The following OSBPL1A variants were observed in gnomAD, a reference collection of about 807,000 sequenced individuals.
OSBPL1A encodes the protein oxysterol binding protein like 1A.
A neutral mutation model predicts 137.1 loss-of-function variants in OSBPL1A; 80 were observed. The ratio of observed to expected loss-of-function variants is 0.58; its 90% CI spans 0.49 to 0.70. OSBPL1A has a LOEUF of 0.70. OSBPL1A is among the 30% of genes least tolerant of loss of function. The pLI, the probability that OSBPL1A is intolerant of heterozygous loss-of-function variation, is 0.00. For synonymous variants in OSBPL1A, 365 were observed against 389.7 expected (o/e 0.94, Z 0.75); for missense variants, 970 against 1,129.4 (o/e 0.86, Z 2.02).
At chr18:24,270,921 A>G (rs1056222970) in intron 15 of OSBPL1A, among the ~76,000 whole-genome samples, 1 of 152,180 alleles carries the variant, frequency 6.6e-6, no homozygotes, top group Non-Finnish European at 1.5e-5. Flanking sequence ...CTTCTCTGGC[A>G]TCTTCCTCTC....
chr18:24,214,907 C>T (rs905889451), intron 17 of OSBPL1A, among the ~76,000 whole-genome samples: 1 of 152,182 alleles, frequency 6.6e-6, no homozygotes, highest in African/African-American at 2.4e-5. Flanking sequence ...ACCACACCTA[C>T]TTTTTCAGAA....
In OSBPL1A at chr18:24,382,474, G is replaced by T. The variant is rs1599737060; in HGVS notation, c.-2-4939C>A. On this transcript the variant is annotated intron_variant, in intron 1 of 27. Coordinates refer to ENST00000319481, the MANE Select transcript of OSBPL1A (RefSeq NM_080597.4). ...AGCCTGTAGTCCCAGCCATTGGAGA[G>T]GCTGAGGTAGGAGGATCACTTAAGC... Among the ~76,000 whole-genome samples the T allele has an allele frequency of 4.6e-5, 7 of 151,792 alleles. No individual in the cohort carries two copies. In the South Asian group the frequency reaches 1.5e-3, roughly 32 times the overall value.
At chr18:24,351,926 A>G (rs192844711) in intron 4 of OSBPL1A, among the ~76,000 whole-genome samples, 1 of 152,358 alleles carries the variant, frequency 6.6e-6, no homozygotes, top group Non-Finnish European at 1.5e-5. Context: ...GCACAGTCAG[A>G]ATAACATAAA....
At chr18:24,345,642 T>C (rs964332247) in intron 4 of OSBPL1A, among the ~76,000 whole-genome samples, 2 of 152,062 alleles carry the variant, frequency 1.3e-5, no homozygotes, top group Non-Finnish European at 2.9e-5. Flanking sequence ...GCTGAGATTG[T>C]CCTGTTGCTC....
intron 18 of OSBPL1A, among the ~76,000 whole-genome samples, chr18:24,183,435 CT>C (rs35407694): frequency 1.6e-3 from 221 of 139,174 alleles, no homozygotes; most frequent in Non-Finnish European, 1.5e-3. Context: ...TTTTCTTTTT[CT>C]TTTTTTTTTT....
chr18:24,266,464 G>C (rs776783723), intron 15 of OSBPL1A, among the ~76,000 whole-genome samples: 7 of 151,960 alleles, frequency 4.6e-5, no homozygotes, highest in Non-Finnish European at 7.4e-5. Flanking sequence ...AAGGGAGAAA[G>C]AAAAAAGGTG....
At chr18:24,257,264 C>T (rs748272426) in intron 15 of OSBPL1A, among the ~76,000 whole-genome samples, 2 of 152,184 alleles carry the variant, frequency 1.3e-5, no homozygotes, top group Non-Finnish European at 2.9e-5. Context: ...CAGCATGGTA[C>T]TGGCATAAAA....
intron 21 of OSBPL1A, among the ~76,000 whole-genome samples, chr18:24,176,777 A>G (rs1228098274): frequency 3.9e-5 from 6 of 152,156 alleles, no homozygotes; most frequent in African/African-American, 7.2e-5. Flanking sequence ...CCTGGCTCTC[A>G]GGCCACACAG....
At chr18:24,240,328 T>C (rs1295461013) in intron 15 of OSBPL1A, among the ~76,000 whole-genome samples, 2 of 152,252 alleles carry the variant, frequency 1.3e-5, no homozygotes, top group African/African-American at 4.8e-5. Flanking sequence ...AAAGCCTGGT[T>C]TGATTTTTTT....
At chr18:24,374,273 A>G (rs1054143130) in intron 2 of OSBPL1A, among the ~76,000 whole-genome samples, 12 of 152,092 alleles carry the variant, frequency 7.9e-5, no homozygotes, top group African/African-American at 2.9e-4. Context: ...CAAAGATGCT[A>G]TTTCTTCCCC....
In OSBPL1A at chr18:24,171,606, C is replaced by G. The variant is rs996596159; in HGVS notation, c.2202-108G>C. Reference sequence around the variant, plus strand: ...AGCAGCTACTGTTTATGGATTTTCTCTGTGTGCCAGGCTCCATACTAAAGT... The same window carrying G: ...AGCAGCTACTGTTTATGGATTTTCTGTGTGTGCCAGGCTCCATACTAAAGT... On this transcript the variant is annotated intron_variant, in intron 22 of 27. Coordinates refer to ENST00000319481, the MANE Select transcript of OSBPL1A (RefSeq NM_080597.4). 55 of 826,730 alleles carry G rather than the reference C, an allele frequency of 6.7e-5. No homozygotes were observed. The Admixed American group carries it at 8.5e-4, about 13-fold the overall frequency. 51.2% of individuals were successfully genotyped at this position (826,730 alleles called of 1,614,324 possible).
At chr18:24,231,993 C>T (rs1304806543) in intron 16 of OSBPL1A, among the ~76,000 whole-genome samples, 1 of 152,192 alleles carries the variant, frequency 6.6e-6, no homozygotes, top group African/African-American at 2.4e-5. Flanking sequence ...CACCCTTCCT[C>T]CTGTTACTGA....
At chr18:24,373,372 C>T (rs1905826850) in intron 2 of OSBPL1A, among the ~76,000 whole-genome samples, 1 of 152,098 alleles carries the variant, frequency 6.6e-6, no homozygotes, top group East Asian at 1.9e-4. Flanking sequence ...TAGGTTGCTT[C>T]CAAAATTTAT....
chr18:24,167,353 G>C lies in OSBPL1A; in HGVS notation c.2511C>G (p.Ala837=). ...CCTGGGCAGAATTTGGAGGCCGTGG[G>C]GCTATTCGCCATAGAAGAACGCTTC... The part of the protein sequence containing the change: ...IPGSVLLWRI[A]PRPPNSAQMY... The change falls in exon 25 of 28, where the codon GCC becomes GCG. Residue 837 remains alanine, a synonymous_variant. Transcript: ENST00000319481. The C allele has an allele frequency of 2.5e-6, 4 of 1,614,142 alleles. No homozygotes were observed. The highest frequency in any genetic ancestry group is 2.5e-6 in the Non-Finnish European group (3 of 1,180,012).
At chr18:24,391,575 A>AAT (rs1907361214) in intron 1 of OSBPL1A, among the ~76,000 whole-genome samples, 1 of 151,044 alleles carries the variant, frequency 6.6e-6, no homozygotes, top group African/African-American at 2.4e-5. Context: ...AAAAAAAAAA[A>AAT]ATTAATTACC....
At chr18:24,300,650 G>T (rs1323341746) in intron 14 of OSBPL1A, among the ~76,000 whole-genome samples, 1 of 152,194 alleles carries the variant, frequency 6.6e-6, no homozygotes, top group Non-Finnish European at 1.5e-5. Flanking sequence ...GAATAAGAAG[G>T]AAGTGATCTG....
intron 1 of OSBPL1A, among the ~76,000 whole-genome samples, chr18:24,382,780 G>A (rs1906690421): frequency 1.3e-5 from 2 of 152,012 alleles, no homozygotes; most frequent in African/African-American, 4.8e-5. Context: ...AGAGGCTGAG[G>A]TGGAAGGATC....
intron 5 of OSBPL1A, among the ~76,000 whole-genome samples, chr18:24,337,375 TTAACATAACATAACATAACA>T (rs71375133): frequency 1.1e-4 from 15 of 141,314 alleles, no homozygotes; most frequent in Admixed American, 2.2e-4. Flanking sequence ...AAACATAACA[TTAACATAACATAACATAACA>T]TAACATAACA....
At chr18:24,187,117 G>A (rs912091365) in intron 18 of OSBPL1A, among the ~76,000 whole-genome samples, 8 of 152,222 alleles carry the variant, frequency 5.3e-5, no homozygotes, top group African/African-American at 1.9e-4. Flanking sequence ...CCACTCCTAA[G>A]TTCCAGAGAC....
Sources: allele counts gnomAD v4.1 joint callset (sites outside exome capture counted in the v4.1 genomes callset), GRCh38; gene constraint gnomAD v4.1.1; transcripts MANE v1.5; gene names NCBI Gene and HGNC (gene_info 2026-07-23, HGNC 2026-07-21).